Variants in GULP1 observed in about 807,000 individuals in gnomAD.
GULP1 encodes the protein PTB domain-containing engulfment adapter protein 1.
Under a neutral mutation model 40.9 loss-of-function variants are expected in GULP1, and 19 were observed. The observed-to-expected ratio is 0.46, with a 90% CI of 0.32 to 0.68. The LOEUF is 0.68. Ranked by LOEUF, GULP1 falls within the 30% of genes least tolerant of loss-of-function variation. The pLI is 0.03. For synonymous variants in GULP1, 119 were observed against 117.6 expected (o/e 1.01, Z -0.08); for missense variants, 312 against 362.2 (o/e 0.86, Z 1.12).
chr2:188,528,084 G>C (rs1458102844), intron 5 of GULP1, among the ~76,000 whole-genome samples: 1 of 152,108 alleles, frequency 6.6e-6, no homozygotes, highest in Non-Finnish European at 1.5e-5. Context: ...TTCTTAAAAA[G>C]AAAAAGTTGG....
At chr2:188,469,592 A>G (rs2060419505) in intron 2 of GULP1, among the ~76,000 whole-genome samples, 1 of 152,136 alleles carries the variant, frequency 6.6e-6, no homozygotes, top group African/African-American at 2.4e-5. Flanking sequence ...GGAGCAAGAG[A>G]GAGTGAATAG....
chr2:188,298,199 G>A (rs1484663265), intron 1 of GULP1, among the ~76,000 whole-genome samples: 1 of 151,968 alleles, frequency 6.6e-6, no homozygotes, highest in African/African-American at 2.4e-5. Context: ...CTTCCTTGAT[G>A]ATGTGTGTTA....
At chr2:188,372,849 C>G (rs1656295499) in intron 1 of GULP1, among the ~76,000 whole-genome samples, 1 of 151,936 alleles carries the variant, frequency 6.6e-6, no homozygotes, top group South Asian at 2.1e-4. Flanking sequence ...AGATAGGAAA[C>G]TATCTTCAGG....
At chr2:188,492,556 C>T (rs1346590831) in intron 4 of GULP1, among the ~76,000 whole-genome samples, 5 of 151,846 alleles carry the variant, frequency 3.3e-5, no homozygotes, top group Admixed American at 6.6e-5. Context: ...ACTATTTATA[C>T]GTCCCATTTA....
chr2:188,321,871 C>T (rs752211132), intron 1 of GULP1, among the ~76,000 whole-genome samples: 22 of 151,780 alleles, frequency 1.4e-4, no homozygotes, highest in Non-Finnish European at 1.2e-4. Context: ...ACAAATTAGC[C>T]GGGTGTGGTG....
In GULP1 at chr2:188,388,696, G is replaced by A. The variant is rs192187051; in HGVS notation, c.-45+4807G>A. On this transcript the variant is annotated intron_variant, in intron 2 of 11. Coordinates refer to ENST00000409830, the MANE Select transcript of GULP1 (RefSeq NM_016315.4). ...ACTATTTGCTGAACCCTTGCCGCTC[G>A]CCAGGCACTAAGCTAGGAACTGTAG... Among the ~76,000 whole-genome samples, 15 of 152,232 alleles carry A rather than the reference G, an allele frequency of 9.9e-5. No individual in the cohort carries two copies. The East Asian group carries it at 2.5e-3, about 25-fold the overall frequency.
intron 4 of GULP1, among the ~76,000 whole-genome samples, chr2:188,510,918 G>T (rs1016614457): frequency 1.3e-5 from 2 of 151,854 alleles, no homozygotes; most frequent in African/African-American, 4.8e-5. Context: ...TTTTATTCTT[G>T]CTTACTTTGC....
chr2:188,483,534 G>A (rs754207124), intron 4 of GULP1, 42 bp downstream of exon 4: 2 of 807,466 alleles, frequency 2.5e-6, no homozygotes, highest in South Asian at 2.0e-5. Context: ...TTTTGTTATA[G>A]TATCATTACT....
chr2:188,420,191 T>G (rs2055194665), intron 2 of GULP1, among the ~76,000 whole-genome samples: 1 of 152,184 alleles, frequency 6.6e-6, no homozygotes, highest in African/African-American at 2.4e-5. Context: ...TTCATATGAA[T>G]TTTAGATATT....
At chr2:188,340,938 G>A (rs906343198) in intron 1 of GULP1, among the ~76,000 whole-genome samples, 2 of 152,072 alleles carry the variant, frequency 1.3e-5, no homozygotes, top group Admixed American at 6.6e-5. Context: ...GCTTCTCTCC[G>A]ACATTCAGCT....
At chr2:188,296,028 T>C (rs1025378220) in intron 1 of GULP1, among the ~76,000 whole-genome samples, 3 of 152,136 alleles carry the variant, frequency 2.0e-5, no homozygotes, top group Non-Finnish European at 4.4e-5. Context: ...AAAAAAGTTA[T>C]TTTATTTCAG....
intron 11 of GULP1, chr2:188,592,292 C>A (rs1289740767): frequency 1.3e-5 from 2 of 151,890 alleles, no homozygotes; most frequent in Non-Finnish European, 2.9e-5. Flanking sequence ...CTGTCATTAT[C>A]TATCAATGTA....
chr2:188,587,028 T>C (rs372891800), intron 10 of GULP1, among the ~76,000 whole-genome samples: 2 of 152,042 alleles, frequency 1.3e-5, no homozygotes, highest in Non-Finnish European at 2.9e-5. Flanking sequence ...TTATAAATAC[T>C]AATTTTCATA....
rs2004888 is a variant in GULP1, at chr2:188,292,236, T to G, written c.-172+70T>G. 23,614 of 152,468 alleles carry G rather than the reference T, an allele frequency of 0.15. 1,972 individuals are homozygous for G. Among genetic ancestry groups the G allele is most frequent in the African/African-American group, 0.18 (7,636 of 41,542 alleles). 9.4% of individuals were successfully genotyped at this position (152,468 alleles called of 1,614,324 possible). A position where few individuals can be genotyped will look rare whatever the true frequency, so the allele number is the denominator to read the frequency against. ...TCCCTCCAGGTAGCGTGGAATCGCT[T>G]AGAAGCTGATATCCCGAGGGGCGGT... On this transcript the variant is annotated intron_variant, in intron 1 of 11. Coordinates refer to ENST00000409830, the MANE Select transcript of GULP1 (RefSeq NM_016315.4). This position sits in a 1 kb window ranked among gnomAD's most constrained non-coding sequence, Gnocchi z 4.0.
intron 1 of GULP1, among the ~76,000 whole-genome samples, chr2:188,321,993 C>G (rs564010978): frequency 6.6e-6 from 1 of 151,864 alleles, no homozygotes; most frequent in East Asian, 1.9e-4. Context: ...CCATTGCACT[C>G]CAGCCTGGAC....
At chr2:188,478,941 C>T (rs2061242071) in intron 3 of GULP1, among the ~76,000 whole-genome samples, 1 of 152,044 alleles carries the variant, frequency 6.6e-6, no homozygotes, top group South Asian at 2.1e-4. Context: ...GAGATGACTT[C>T]AGGACTTTCA....
chr2:188,503,196 A>G (rs564204144), intron 4 of GULP1, among the ~76,000 whole-genome samples: 14 of 151,914 alleles, frequency 9.2e-5, no homozygotes, highest in Admixed American at 2.0e-4. Flanking sequence ...TTAAAACATT[A>G]TGAGGTTTTT....
intron 7 of GULP1, among the ~76,000 whole-genome samples, chr2:188,565,641 T>C (rs971605041): frequency 6.6e-6 from 1 of 152,060 alleles, no homozygotes; most frequent in Non-Finnish European, 1.5e-5. Flanking sequence ...TTTCTTATAA[T>C]GTTAAACCTC....
chr2:188,503,108 G>A (rs531463621), intron 4 of GULP1, among the ~76,000 whole-genome samples: 1 of 151,888 alleles, frequency 6.6e-6, no homozygotes, highest in Non-Finnish European at 1.5e-5. Context: ...ATCTTTGAGG[G>A]AGTACAGTAT....
Sources: gnomAD v4.1 joint callset for allele counts (sites outside exome capture counted in the v4.1 genomes callset) on GRCh38, gnomAD v4.1.1 for gene constraint, Gnocchi (gnomAD v3.1) non-coding constraint, MANE v1.5 for transcripts, NCBI Gene and HGNC (gene_info 2026-07-23, HGNC 2026-07-21) for gene names.